Variants in KCNK2 observed in about 807,000 individuals in gnomAD.
KCNK2 encodes potassium channel subfamily K member 2.
In KCNK2, 21 loss-of-function variants were observed where a neutral mutation model predicts 40.5. That is an observed-to-expected ratio of 0.52 (90% CI 0.37 to 0.75). The LOEUF is 0.75. Ranked by LOEUF, KCNK2 falls within the 30% of genes least tolerant of loss-of-function variation. The pLI is 0.00. For missense variants in KCNK2, 399 were observed against 531.6 expected (o/e 0.75, Z 2.45); for synonymous variants, 191 against 202.2 (o/e 0.94, Z 0.47).
At chr1:215,085,489 T>C (rs182398958) in intron 1 of KCNK2, among the ~76,000 whole-genome samples, 113 of 152,350 alleles carry the variant, frequency 7.4e-4, no homozygotes, top group Non-Finnish European at 1.3e-3. Context: ...CCTCCGACTA[T>C]ATGGCAATTT....
intron 5 of KCNK2, among the ~76,000 whole-genome samples, chr1:215,177,742 T>A (rs368680168): frequency 0.03 from 943 of 30,958 alleles, 11 homozygotes; most frequent in Middle Eastern, 0.068. Context: ...ATATATATAT[T>A]TTTTTTTTTT....
At chr1:215,212,614 G>T (rs1373123203) in intron 6 of KCNK2, among the ~76,000 whole-genome samples, 4 of 152,198 alleles carry the variant, frequency 2.6e-5, no homozygotes, top group Non-Finnish European at 5.9e-5. Flanking sequence ...TGAGGAACTG[G>T]TGTGTTTTTC....
At chr1:215,189,921 T>A (rs1248225066) in intron 5 of KCNK2, among the ~76,000 whole-genome samples, 1 of 152,194 alleles carries the variant, frequency 6.6e-6, no homozygotes. Flanking sequence ...ATGTTTGATA[T>A]TTAAGCTAAA....
intron 2 of KCNK2, among the ~76,000 whole-genome samples, chr1:215,108,041 C>G (rs182653090): frequency 1.3e-5 from 2 of 152,218 alleles, no homozygotes; most frequent in Non-Finnish European, 1.5e-5. Flanking sequence ...CTCAGATCAT[C>G]AGGCATTAGA....
intron 6 of KCNK2, among the ~76,000 whole-genome samples, chr1:215,209,497 A>ATAATACAT (rs1558140416): frequency 3.0e-3 from 4 of 1,316 alleles, no homozygotes; most frequent in African/African-American, 3.5e-3. Flanking sequence ...ACATATATAT[A>ATAATACAT]ATATATAATA....
At chr1:215,032,044 A>G (rs1657218325) in intron 1 of KCNK2, among the ~76,000 whole-genome samples, 1 of 152,054 alleles carries the variant, frequency 6.6e-6, no homozygotes, top group Non-Finnish European at 1.5e-5. Flanking sequence ...ACAATCGAGT[A>G]CAGTATATTG....
intron 6 of KCNK2, among the ~76,000 whole-genome samples, chr1:215,196,481 T>C (rs1664870708): frequency 6.6e-6 from 1 of 152,356 alleles, no homozygotes; most frequent in African/African-American, 2.4e-5. Context: ...CCATATTTCC[T>C]AATTGGGAAT....
chr1:215,146,887 A>G (rs1355793158), intron 3 of KCNK2, among the ~76,000 whole-genome samples: 1 of 152,228 alleles, frequency 6.6e-6, no homozygotes, highest in African/African-American at 2.4e-5. Flanking sequence ...TTGTTGAGCA[A>G]GTTAAAATAA....
chr1:215,219,188 C>T (rs1354754605), intron 6 of KCNK2, among the ~76,000 whole-genome samples: 1 of 152,116 alleles, frequency 6.6e-6, no homozygotes, highest in Non-Finnish European at 1.5e-5. Flanking sequence ...TCAGTCCATT[C>T]TTGTGTGGCT....
intron 1 of KCNK2, among the ~76,000 whole-genome samples, chr1:215,012,978 TG>T (rs1480619158): frequency 6.6e-6 from 1 of 152,200 alleles, no homozygotes; most frequent in Admixed American, 6.5e-5. Context: ...ATATTTTTTG[TG>T]TTTTCTTTTT....
rs373499494 is a variant in KCNK2, at chr1:215,119,110, A to G, written c.358-5523A>G. Among the ~76,000 whole-genome samples, 134 of 152,226 alleles carry G rather than the reference A, an allele frequency of 8.8e-4. 1 individual carries two copies. The highest frequency in any genetic ancestry group is 3.0e-3 in the African/African-American group (124 of 41,560). ...CTTTTCCAAAATTGCTAAATTCCCT[A>G]TATCTTCTTCTTTAATGAAAACATG... On this transcript the variant is annotated intron_variant, in intron 2 of 6. Coordinates refer to ENST00000444842, the MANE Select transcript of KCNK2 (RefSeq NM_001017425.3).
intron 2 of KCNK2, among the ~76,000 whole-genome samples, chr1:215,106,318 A>T (rs1461072689): frequency 6.6e-6 from 1 of 151,720 alleles, no homozygotes; most frequent in East Asian, 1.9e-4. Flanking sequence ...CGTAGTTTTG[A>T]TTTTACATTT....
chr1:215,173,656 G>A (rs1436717547), intron 5 of KCNK2, among the ~76,000 whole-genome samples: 5 of 152,048 alleles, frequency 3.3e-5, no homozygotes, highest in Non-Finnish European at 7.4e-5. Flanking sequence ...TTTAATGATC[G>A]CCATTCTAAC....
chr1:215,010,419 G>T (rs534504977), intron 1 of KCNK2, among the ~76,000 whole-genome samples: 1 of 152,110 alleles, frequency 6.6e-6, no homozygotes, highest in Non-Finnish European at 1.5e-5. Context: ...AGAATAGAGG[G>T]CTTCGATGCA....
intron 3 of KCNK2, among the ~76,000 whole-genome samples, chr1:215,144,738 C>T (rs752735338): frequency 9.9e-5 from 15 of 152,006 alleles, no homozygotes; most frequent in Non-Finnish European, 2.1e-4. Context: ...CACCTCAGTT[C>T]GTGGTGGTTT....
intron 3 of KCNK2, among the ~76,000 whole-genome samples, chr1:215,154,186 G>A (rs1248172818): frequency 6.6e-6 from 1 of 152,138 alleles, no homozygotes; most frequent in Non-Finnish European, 1.5e-5. Flanking sequence ...CTGCCACAAT[G>A]GTTGAACTAA....
chr1:215,083,196 C>CCCCCCT lies in KCNK2; in HGVS notation c.-185_-184insTCCCCC. ...CGCGATTTCGTTTCTTCTCACGCTC[C>CCCCCCT]CCCCCCCGCCCCCTCCCGCGTCCAG... On this transcript the variant is annotated 5_prime_UTR_variant, in exon 1 of 7. Transcript: ENST00000444842. 6.7e-6 allele frequency: 3 copies of CCCCCCT among 447,376 alleles called. No homozygotes were observed. Among genetic ancestry groups the CCCCCCT allele is most frequent in the Non-Finnish European group, 1.2e-5 (3 of 260,850 alleles). The allele number at this position is 447,376 out of a possible 1,614,324, so 27.7% of individuals were successfully genotyped here.
intron 3 of KCNK2, among the ~76,000 whole-genome samples, chr1:215,140,542 A>G (rs1662128828): frequency 6.6e-6 from 1 of 152,218 alleles, no homozygotes; most frequent in South Asian, 2.1e-4. Context: ...TGTACTAAGT[A>G]CTGTAGGCAA....
intron 3 of KCNK2, among the ~76,000 whole-genome samples, chr1:215,132,773 G>A (rs1459685839): frequency 6.6e-6 from 1 of 152,144 alleles, no homozygotes; most frequent in African/African-American, 2.4e-5. Flanking sequence ...GTGTTTCTCA[G>A]AGAAAATTTC....
Sources: gnomAD v4.1 joint callset for allele counts (sites outside exome capture counted in the v4.1 genomes callset) on GRCh38, gnomAD v4.1.1 for gene constraint, MANE v1.5 for transcripts, NCBI Gene and HGNC (gene_info 2026-07-23, HGNC 2026-07-21) for gene names.